GRIN2A: variants seen among roughly 807,000 people sequenced by gnomAD.
GRIN2A encodes the protein glutamate receptor ionotropic, NMDA 2A.
A neutral mutation model predicts 113.4 loss-of-function variants in GRIN2A; 22 were observed. The ratio of observed to expected loss-of-function variants is 0.19; its 90% confidence interval spans 0.14 to 0.28. The LOEUF is 0.28. Ranked by LOEUF, GRIN2A falls within the 10% of genes least tolerant of loss-of-function variation. GRIN2A has a pLI of 1.00. For missense variants in GRIN2A, 1,502 were observed against 1,887.0 expected (o/e 0.80, Z 3.78); for synonymous variants, 827 against 738.4 (o/e 1.12, Z -1.94).
chr16:10,028,241 G>T (rs914823116), intron 2 of GRIN2A, among the ~76,000 whole-genome samples: 9 of 152,194 alleles, frequency 5.9e-5, no homozygotes, highest in African/African-American at 2.2e-4. Context: ...AGAGTGTTTT[G>T]TTAAATTCCC....
chr16:9,910,786 C>T (rs922818249), intron 3 of GRIN2A, among the ~76,000 whole-genome samples: 2 of 152,088 alleles, frequency 1.3e-5, no homozygotes, highest in African/African-American at 2.4e-5. Flanking sequence ...CATCTGCCTG[C>T]CTTGGCCTCC....
chr16:10,008,272 C>G (rs1247900806), intron 2 of GRIN2A, among the ~76,000 whole-genome samples: 1 of 152,164 alleles, frequency 6.6e-6, no homozygotes, highest in Admixed American at 6.5e-5. Context: ...CAACTAGTAC[C>G]CCATGGTGGC....
rs147924822 is a variant in GRIN2A at position 10,063,103 on chromosome 16, C to T, written c.414+116895G>A. ...ATGGATGGAGCTGGAGGACATTATCCTAAGCAAATTAACACAGGAACAGAA... is the reference window on the plus strand; with the variant it reads ...ATGGATGGAGCTGGAGGACATTATCTTAAGCAAATTAACACAGGAACAGAA... On this transcript the variant is annotated intron_variant, in intron 2 of 12. Transcript: ENST00000330684. Among the ~76,000 whole-genome samples, 52 of 152,214 alleles carry T rather than the reference C, an allele frequency of 3.4e-4. No individual in the cohort carries two copies. The East Asian group carries it at 9.1e-3, about 27-fold the overall frequency.
intron 2 of GRIN2A, among the ~76,000 whole-genome samples, chr16:10,173,673 A>G (rs2050088220): frequency 1.3e-5 from 2 of 152,342 alleles, no homozygotes; most frequent in African/African-American, 2.4e-5. Flanking sequence ...ACTGAAAAGG[A>G]TGCCCCTATG....
intron 11 of GRIN2A, among the ~76,000 whole-genome samples, chr16:9,788,265 CT>C (rs1176594364): frequency 2.0e-5 from 3 of 148,690 alleles, no homozygotes; most frequent in Non-Finnish European, 3.0e-5. Context: ...TATTTTTTTT[CT>C]TTTTTTTTGG....
chr16:9,981,289 T>C (rs549728251), intron 2 of GRIN2A, among the ~76,000 whole-genome samples: 1 of 152,256 alleles, frequency 6.6e-6, no homozygotes, highest in Non-Finnish European at 1.5e-5. Flanking sequence ...GTAATTGGGC[T>C]GGTAGATGTT....
chr16:10,096,539 A>AACACACACACAC (rs59351819), intron 2 of GRIN2A, among the ~76,000 whole-genome samples: 6,194 of 137,632 alleles, frequency 0.045, 251 homozygotes, highest in African/African-American at 0.1. Context: ...ATTGTGGTAA[A>AACACACACACAC]ACACACACAC....
At chr16:9,781,353 G>A (rs1448380093) in intron 11 of GRIN2A, among the ~76,000 whole-genome samples, 1 of 152,128 alleles carries the variant, frequency 6.6e-6, no homozygotes, top group African/African-American at 2.4e-5. Flanking sequence ...TATTACTTTA[G>A]ATGGAAACAA....
intron 2 of GRIN2A, among the ~76,000 whole-genome samples, chr16:10,039,050 G>C (rs1205391669): frequency 1.3e-5 from 2 of 151,990 alleles, no homozygotes; most frequent in Non-Finnish European, 2.9e-5. Flanking sequence ...TCCCACATCA[G>C]ACTGAAACCA....
In GRIN2A at chr16:9,763,835, C is replaced by G. The variant is rs1389208302; in HGVS notation, c.3709G>C (p.Asp1237His). The G allele has an allele frequency of 6.2e-7, 1 of 1,614,078 alleles. No individual in the cohort carries two copies. The highest frequency in any genetic ancestry group is 8.5e-7 in the Non-Finnish European group (1 of 1,180,002). Residue 1237 changes from aspartate to histidine, a missense_variant, in exon 13 of 13, where the codon GAT becomes CAT. Asp to His is a moderately conservative substitution (Grantham distance 81). Around this residue, in one of 7 missense-constraint regions of GRIN2A, gnomAD observed 832 missense variants for 789.7 expected, o/e 1.05. Coordinates refer to ENST00000330684, the MANE Select transcript of GRIN2A (RefSeq NM_001134407.3). ...AGGTTCCCCATCCGCAGGCAGGCATCGCACTTGAAGGGGGACCTCATGGTG... is the reference window on the plus strand; with the variant it reads ...AGGTTCCCCATCCGCAGGCAGGCATGGCACTTGAAGGGGGACCTCATGGTG... ...HFTMRSPFKC[D>H]ACLRMGNLYD... is the part of the protein sequence containing the mutation.
chr16:10,093,505 A>C (rs1036341454), intron 2 of GRIN2A, among the ~76,000 whole-genome samples: 2 of 152,110 alleles, frequency 1.3e-5, no homozygotes, highest in African/African-American at 4.8e-5. Flanking sequence ...TAGCATTGGC[A>C]CCTTCACTCA....
chr16:9,895,515 G>C (rs1454618286), intron 3 of GRIN2A, among the ~76,000 whole-genome samples: 6 of 152,180 alleles, frequency 3.9e-5, no homozygotes, highest in Admixed American at 2.6e-4. Flanking sequence ...TTGGAATGGA[G>C]GCTTGAAATG....
intron 2 of GRIN2A, among the ~76,000 whole-genome samples, chr16:10,016,512 T>C (rs1405130712): frequency 6.6e-6 from 1 of 152,002 alleles, no homozygotes; most frequent in Non-Finnish European, 1.5e-5. Flanking sequence ...CAGTGGACAA[T>C]GCAAAGGGTA....
In GRIN2A at chr16:9,873,417, G is replaced by A. The variant is rs151029249; in HGVS notation, c.1122+17569C>T. 6.6e-5 allele frequency among the ~76,000 whole-genome samples: 10 copies of A among 152,198 alleles called. No individual in the cohort carries two copies. In the East Asian group the frequency reaches 1.5e-3, roughly 24 times the overall value. ...CCAACCTGAATGCCAAAAGTGGAATGAGACTGGGTGCAGTGGCTCATGCCT... is the reference window on the plus strand; with the variant it reads ...CCAACCTGAATGCCAAAAGTGGAATAAGACTGGGTGCAGTGGCTCATGCCT... On this transcript the variant is annotated intron_variant, in intron 4 of 12. Transcript: ENST00000330684.
intron 2 of GRIN2A, among the ~76,000 whole-genome samples, chr16:9,972,521 A>C (rs1475974086): frequency 6.6e-6 from 1 of 152,214 alleles, no homozygotes; most frequent in Non-Finnish European, 1.5e-5. Flanking sequence ...GAGGTAAAGG[A>C]AAATATGCTC....
chr16:9,842,620 T>C (rs1052492636), intron 5 of GRIN2A, among the ~76,000 whole-genome samples: 8 of 152,150 alleles, frequency 5.3e-5, no homozygotes, highest in Admixed American at 5.2e-4. Flanking sequence ...GCTTATGAAA[T>C]AACTGTATGG....
At chr16:9,986,249 T>C (rs2045977396) in intron 2 of GRIN2A, among the ~76,000 whole-genome samples, 1 of 152,086 alleles carries the variant, frequency 6.6e-6, no homozygotes, top group Admixed American at 6.6e-5. Context: ...TATGGAGAAG[T>C]TGTCATAACA....
At chr16:9,946,216 C>T (rs2141658862) in intron 2 of GRIN2A, among the ~76,000 whole-genome samples, 1 of 152,280 alleles carries the variant, frequency 6.6e-6, no homozygotes, top group African/African-American at 2.4e-5. Flanking sequence ...TTACCTGGTG[C>T]TCTGTCAACA....
At position 10,021,203 on chromosome 16, in the gene GRIN2A, C is replaced by A. The variant is rs558554940; in HGVS notation, c.415-82652G>T. Among the ~76,000 whole-genome samples the A allele has an allele frequency of 1.0e-3, 156 of 152,294 alleles. 1 individual carries two copies. Among genetic ancestry groups the A allele is most frequent in the African/African-American group, 3.6e-3 (150 of 41,554 alleles). On this transcript the variant is annotated intron_variant, in intron 2 of 12. Coordinates refer to ENST00000330684, the MANE Select transcript of GRIN2A (RefSeq NM_001134407.3). ...CTAAGCAGCCTGTACCTTCCCAGCTCTAAGGCAGCCATGAGACCTAGGTAG... is the reference window on the plus strand; with the variant it reads ...CTAAGCAGCCTGTACCTTCCCAGCTATAAGGCAGCCATGAGACCTAGGTAG...
Sources: gnomAD v4.1 joint callset for allele counts (sites outside exome capture counted in the v4.1 genomes callset) on GRCh38, gnomAD v4.1.1 for gene constraint, gnomAD v4.1.1 regional missense constraint, MANE v1.5 for transcripts, NCBI Gene and HGNC (gene_info 2026-07-23, HGNC 2026-07-21) for gene names.